Variants in KIAA0825 observed in about 807,000 individuals in gnomAD.
The protein encoded by KIAA0825 is KIAA0825.
Under a neutral mutation model 147.6 loss-of-function variants are expected in KIAA0825, and 119 were observed. The ratio of observed to expected loss-of-function variants is 0.81; its 90% CI spans 0.69 to 0.94. The LOEUF (loss-of-function observed/expected upper bound fraction) is 0.94, where lower values mean the gene tolerates loss of function less well. Ranked by LOEUF, KIAA0825 falls within the 40% of genes least tolerant of loss-of-function variation. The pLI is 0.00. For missense variants in KIAA0825, 1,381 were observed against 1,472.7 expected (o/e 0.94, Z 1.02); for synonymous variants, 470 against 518.1 (o/e 0.91, Z 1.26).
intron 5 of KIAA0825, chr5:94,519,591 CT>C: frequency 1.7e-6 from 1 of 599,828 alleles, no homozygotes; most frequent in Non-Finnish European, 2.1e-6. Context: ...AGTAGAGAAA[CT>C]TTAAAAATAG....
intron 20 of KIAA0825, among the ~76,000 whole-genome samples, chr5:94,315,597 G>A (rs750657347): frequency 1.5e-4 from 22 of 151,416 alleles, no homozygotes; most frequent in Admixed American, 4.0e-4. Flanking sequence ...TATGTTAGTC[G>A]AAATACAAGG....
chr5:94,565,319 C>A (rs563866007), intron 2 of KIAA0825, among the ~76,000 whole-genome samples: 1 of 150,474 alleles, frequency 6.6e-6, no homozygotes, highest in South Asian at 2.1e-4. Flanking sequence ...GAAAAAAAAT[C>A]CATGTTTATA....
At chr5:94,274,499 C>T (rs1777132334) in intron 20 of KIAA0825, among the ~76,000 whole-genome samples, 1 of 152,004 alleles carries the variant, frequency 6.6e-6, no homozygotes, top group African/African-American at 2.4e-5. Context: ...ATTACTGAGT[C>T]ACTAGATAAG....
chr5:94,529,269 ATG>A (rs1770097574), intron 3 of KIAA0825, among the ~76,000 whole-genome samples: 1 of 131,242 alleles, frequency 7.6e-6, no homozygotes, highest in Non-Finnish European at 1.6e-5. Context: ...TATCATATAT[ATG>A]TATGTATCAT....
At chr5:94,223,674 G>A (rs1773865999) in intron 20 of KIAA0825, among the ~76,000 whole-genome samples, 1 of 152,208 alleles carries the variant, frequency 6.6e-6, no homozygotes, top group South Asian at 2.1e-4. Context: ...TGGTGATCCA[G>A]AAGGTGTTAT....
At chr5:94,557,395 C>T (rs1776738095) in intron 2 of KIAA0825, among the ~76,000 whole-genome samples, 2 of 151,616 alleles carry the variant, frequency 1.3e-5, no homozygotes, top group Non-Finnish European at 2.9e-5. Context: ...AGCCACCATG[C>T]AAGGCTCCTT....
At chr5:94,576,953 C>T (rs1781163772) in intron 2 of KIAA0825, among the ~76,000 whole-genome samples, 1 of 152,100 alleles carries the variant, frequency 6.6e-6, no homozygotes, top group Non-Finnish European at 1.5e-5. Context: ...TGGATAATGA[C>T]GCACTGGTTT....
chr5:94,485,931 A>C (rs190686422), intron 5 of KIAA0825, among the ~76,000 whole-genome samples: 3 of 151,846 alleles, frequency 2.0e-5, no homozygotes, highest in Non-Finnish European at 4.4e-5. Flanking sequence ...TAAGAACAAT[A>C]CAACTTAAAG....
At chr5:94,454,050 C>T (rs559215446) in intron 12 of KIAA0825, among the ~76,000 whole-genome samples, 29 of 152,220 alleles carry the variant, frequency 1.9e-4, no homozygotes, top group Admixed American at 1.2e-3. Flanking sequence ...ATCTGATCTA[C>T]GGCTATCAAC....
chr5:94,466,764 TAAAAG>T (rs1325133205), intron 10 of KIAA0825, among the ~76,000 whole-genome samples: 2 of 141,410 alleles, frequency 1.4e-5, no homozygotes, highest in African/African-American at 5.2e-5. Context: ...AAAAAAAAGA[TAAAAG>T]AAATTACAAA....
intron 20 of KIAA0825, among the ~76,000 whole-genome samples, chr5:94,168,818 G>T (rs1353584985): frequency 6.6e-6 from 1 of 152,116 alleles, no homozygotes; most frequent in Non-Finnish European, 1.5e-5. Flanking sequence ...AAAAGAAAAG[G>T]TGTATTTTTT....
intron 20 of KIAA0825, among the ~76,000 whole-genome samples, chr5:94,175,638 A>C (rs1269654343): frequency 1.3e-5 from 2 of 152,168 alleles, no homozygotes; most frequent in Non-Finnish European, 2.9e-5. Context: ...TTAAATTCTA[A>C]CTTCAAATGT....
intron 16 of KIAA0825, 130 bp downstream of exon 16, chr5:94,403,436 CGCA>C (rs1751650957): frequency 1.6e-6 from 1 of 639,278 alleles, no homozygotes; most frequent in Non-Finnish European, 2.7e-6. Flanking sequence ...AAATAAGGGT[CGCA>C]CATCTACTTA....
At chr5:94,593,647 A>G (rs1359894555) in intron 1 of KIAA0825, 3 of 444,646 alleles carry the variant, frequency 6.7e-6, no homozygotes, top group Admixed American at 3.1e-5. Flanking sequence ...GTTGGGAACA[A>G]TGGAAGATAT....
At chr5:94,445,638 T>C (rs971723688) in intron 13 of KIAA0825, among the ~76,000 whole-genome samples, 1 of 152,188 alleles carries the variant, frequency 6.6e-6, no homozygotes, top group Admixed American at 6.6e-5. Flanking sequence ...TGAAAACCTA[T>C]AGCTGTTTCC....
chr5:94,179,524 A>T (rs1769408215), intron 20 of KIAA0825, among the ~76,000 whole-genome samples: 1 of 152,082 alleles, frequency 6.6e-6, no homozygotes, highest in Non-Finnish European at 1.5e-5. Context: ...CCACACATAT[A>T]TTTCCTCACT....
At chr5:94,283,626 A>C (rs2150157206) in intron 20 of KIAA0825, among the ~76,000 whole-genome samples, 1 of 152,298 alleles carries the variant, frequency 6.6e-6, no homozygotes, top group African/African-American at 2.4e-5. Flanking sequence ...AACTGAATTT[A>C]AGAGATAAAT....
chr5:94,303,251 T>C (rs1298601110), intron 20 of KIAA0825, among the ~76,000 whole-genome samples: 1 of 152,058 alleles, frequency 6.6e-6, no homozygotes, highest in Non-Finnish European at 1.5e-5. Context: ...TTTTCAACAA[T>C]ATCTCAAAAC....
intron 1 of KIAA0825, among the ~76,000 whole-genome samples, chr5:94,606,252 G>A (rs940596038): frequency 6.6e-6 from 1 of 152,096 alleles, no homozygotes; most frequent in Non-Finnish European, 1.5e-5. Context: ...AAAGAAATTA[G>A]AGAAAACACA....
Sources: allele counts gnomAD v4.1 joint callset (sites outside exome capture counted in the v4.1 genomes callset), GRCh38; gene constraint gnomAD v4.1.1; transcripts MANE v1.5; gene names NCBI Gene and HGNC (gene_info 2026-07-23, HGNC 2026-07-21).